LIPI: variants seen among roughly 807,000 people sequenced by gnomAD.
LIPI encodes the protein lipase I, also known as lipase member I.
A neutral mutation model predicts 50.6 loss-of-function variants in LIPI; 59 were observed. The ratio of observed to expected loss-of-function variants is 1.16; its 90% CI spans 0.94 to 1.45. The LOEUF is 1.45. LIPI is among the 40% of genes most tolerant of loss of function. The pLI is 0.00. For missense variants in LIPI, 586 were observed against 536.3 expected (o/e 1.09, Z -0.92); for synonymous variants, 203 against 178.2 (o/e 1.14, Z -1.11).
intron 9 of LIPI, among the ~76,000 whole-genome samples, chr21:14,139,807 G>A (rs2017638704): frequency 6.6e-6 from 1 of 152,152 alleles, no homozygotes; most frequent in South Asian, 2.1e-4. Context: ...ACTTCAAGGG[G>A]AAGAAATTTC....
intron 7 of LIPI, among the ~76,000 whole-genome samples, chr21:14,153,230 G>C (rs1309545065): frequency 2.6e-5 from 4 of 152,082 alleles, no homozygotes; most frequent in African/African-American, 7.2e-5. Context: ...AAAGGATGCT[G>C]AACTCACTTC....
intron 1 of LIPI, chr21:14,206,816 TG>T (rs763680155): frequency 4.4e-6 from 7 of 1,573,286 alleles, no homozygotes; most frequent in Admixed American, 1.7e-5. Flanking sequence ...AGAGATTACC[TG>T]ATCTCAGGCA....
intron 1 of LIPI, among the ~76,000 whole-genome samples, chr21:14,191,145 G>A (rs1033731641): frequency 3.3e-5 from 5 of 152,082 alleles, no homozygotes; most frequent in Non-Finnish European, 7.4e-5. Context: ...TCAGGAGGCC[G>A]AGGCGGGCGG....
At chr21:14,174,513 A>T (rs75074813) in intron 4 of LIPI, among the ~76,000 whole-genome samples, 1 of 150,528 alleles carries the variant, frequency 6.6e-6, no homozygotes, top group Non-Finnish European at 1.5e-5. Flanking sequence ...CTAACCCATC[A>T]TTTTTTTTTA....
intron 3 of LIPI, among the ~76,000 whole-genome samples, chr21:14,185,753 G>T (rs761121631): frequency 6.6e-6 from 1 of 151,730 alleles, no homozygotes; most frequent in African/African-American, 2.4e-5. Flanking sequence ...GTAGTGAGTG[G>T]GCACCTGTAA....
intron 9 of LIPI, chr21:14,143,509 G>T (rs1324680656): frequency 6.6e-6 from 1 of 151,918 alleles, no homozygotes; most frequent in Non-Finnish European, 1.5e-5. Flanking sequence ...CTCTCCACAG[G>T]TTCTTGTGTA....
intron 1 of LIPI, among the ~76,000 whole-genome samples, chr21:14,206,520 G>A (rs1008334664): frequency 5.3e-5 from 8 of 152,048 alleles, no homozygotes; most frequent in Non-Finnish European, 7.4e-5. Flanking sequence ...AGAACAGAGA[G>A]CCTTAAAACT....
At chr21:14,191,149 C>T (rs991883164) in intron 1 of LIPI, among the ~76,000 whole-genome samples, 5 of 152,060 alleles carry the variant, frequency 3.3e-5, no homozygotes, top group African/African-American at 4.8e-5. Flanking sequence ...GAGGCCGAGG[C>T]GGGCGGATCA....
chr21:14,137,444 A>C (rs1200697036), intron 9 of LIPI, among the ~76,000 whole-genome samples: 1 of 152,204 alleles, frequency 6.6e-6, no homozygotes, highest in Non-Finnish European at 1.5e-5. Flanking sequence ...TGCAGTTGGC[A>C]CACTAACAAA....
At chr21:14,156,363 A>T (rs1355012230) in intron 7 of LIPI, among the ~76,000 whole-genome samples, 1 of 151,838 alleles carries the variant, frequency 6.6e-6, no homozygotes, top group Non-Finnish European at 1.5e-5. Flanking sequence ...GTCGTGCAGA[A>T]AAAGGGTCAA....
intron 9 of LIPI, among the ~76,000 whole-genome samples, chr21:14,116,249 T>C (rs1262768485): frequency 1.3e-5 from 2 of 151,784 alleles, no homozygotes; most frequent in African/African-American, 4.8e-5. Context: ...TGGGGAGTGA[T>C]GTGGGGAGGT....
At chr21:14,160,309 A>G (rs2018418741) in intron 7 of LIPI, among the ~76,000 whole-genome samples, 1 of 151,366 alleles carries the variant, frequency 6.6e-6, no homozygotes, top group Non-Finnish European at 1.5e-5. Flanking sequence ...AAATATACAT[A>G]TCAAAATACA....
At chr21:14,158,591 T>TTA (rs1015161029) in intron 7 of LIPI, among the ~76,000 whole-genome samples, 3 of 147,884 alleles carry the variant, frequency 2.0e-5, no homozygotes, top group African/African-American at 4.9e-5. Flanking sequence ...AATATATATT[T>TTA]TATATATATA....
Position 14,108,815 on chromosome 21 carries a change from T to G in LIPI, c.*178A>C. On this transcript the variant is annotated 3_prime_UTR_variant, in exon 10 of 10. Coordinates refer to ENST00000681601, the MANE Select transcript of LIPI (RefSeq NM_001302998.2). Reference sequence around the variant, plus strand: ...AAATAAACAACTTTCAGAATATATTTGGAATGTTTAACTGTATGCATTTTT... The same window carrying G: ...AAATAAACAACTTTCAGAATATATTGGGAATGTTTAACTGTATGCATTTTT... 1 of 619,502 alleles carries G rather than the reference T, an allele frequency of 1.6e-6. No homozygotes were observed. The highest frequency in any genetic ancestry group is 2.7e-6 in the Non-Finnish European group (1 of 367,632). 38.4% of individuals were successfully genotyped at this position (619,502 alleles called of 1,614,324 possible). A position where few individuals can be genotyped will look rare whatever the true frequency, so the allele number is the denominator to read the frequency against.
intron 4 of LIPI, among the ~76,000 whole-genome samples, chr21:14,173,773 G>A (rs1009119745): frequency 2.6e-5 from 4 of 152,154 alleles, no homozygotes; most frequent in Admixed American, 1.3e-4. Context: ...TGAGGCTGGA[G>A]GGAGGGGAGA....
intron 4 of LIPI, among the ~76,000 whole-genome samples, chr21:14,179,651 A>T (rs893894697): frequency 6.6e-6 from 1 of 152,168 alleles, no homozygotes; most frequent in Non-Finnish European, 1.5e-5. Flanking sequence ...AATTGTGAAG[A>T]TTTCCTGGAC....
chr21:14,183,017 G>C (rs924824814), intron 3 of LIPI, among the ~76,000 whole-genome samples: 98 of 152,186 alleles, frequency 6.4e-4, no homozygotes, highest in African/African-American at 2.2e-3. Flanking sequence ...GCATCGCCAA[G>C]TCAATCCTAA....
chr21:14,109,655 G>A (rs2016324987), intron 9 of LIPI, among the ~76,000 whole-genome samples: 1 of 151,902 alleles, frequency 6.6e-6, no homozygotes, highest in African/African-American at 2.4e-5. Flanking sequence ...TTCTGCAATA[G>A]ACTAAAAGCT....
intron 8 of LIPI, among the ~76,000 whole-genome samples, chr21:14,151,630 G>A (rs1034165801): frequency 6.6e-6 from 1 of 152,056 alleles, no homozygotes; most frequent in African/African-American, 2.4e-5. Context: ...TAGCACAGCA[G>A]GTTGGAAACC....
Sources: gnomAD v4.1 joint callset for allele counts (sites outside exome capture counted in the v4.1 genomes callset) on GRCh38, gnomAD v4.1.1 for gene constraint, MANE v1.5 for transcripts, NCBI Gene and HGNC (gene_info 2026-07-23, HGNC 2026-07-21) for gene names.